TRDN: variants seen among roughly 807,000 people sequenced by gnomAD.
TRDN encodes the protein triadin, also known as triadin in skeletal muscle.
In TRDN, 161 loss-of-function variants were observed where a neutral mutation model predicts 149.7. That is an observed-to-expected ratio of 1.08 (90% CI 0.95 to 1.23). TRDN has a LOEUF of 1.23. TRDN is among the 50% of genes most tolerant of loss of function. The probability of loss-of-function intolerance (pLI) is 0.00; values close to 1 mark genes in which losing one functional copy is unlikely to be tolerated. For synonymous variants in TRDN, 294 were observed against 250.5 expected (o/e 1.17, Z -1.64); for missense variants, 896 against 823.5 (o/e 1.09, Z -1.08).
chr6:123,419,018 G>A (rs1212358000), intron 12 of TRDN, among the ~76,000 whole-genome samples: 1 of 152,018 alleles, frequency 6.6e-6, no homozygotes, highest in Non-Finnish European at 1.5e-5. Context: ...GTTTCAAGAT[G>A]AGCAGGTCTA....
intron 38 of TRDN, among the ~76,000 whole-genome samples, chr6:123,226,459 T>C (rs1250053561): frequency 6.6e-6 from 1 of 151,858 alleles, no homozygotes; most frequent in Admixed American, 6.6e-5. Flanking sequence ...GATCCATTTA[T>C]TACCACTAGA....
Position 123,585,461 on chromosome 6 carries a change from T to A in TRDN, c.23-14329A>T, listed in dbSNP as rs140178993. The stretch of plus-strand genomic sequence containing the variant: ...TGAGTAGCCTTGGTATTGATTAAGA[T>A]GGGGACAGACTTATCCTTCACTGTT... On this transcript the variant is annotated intron_variant, in intron 1 of 40. Transcript: ENST00000334268. 1.5e-3 allele frequency among the ~76,000 whole-genome samples: 230 copies of A among 152,094 alleles called. 3 individuals carry two copies. Among genetic ancestry groups the A allele is most frequent in the East Asian group, 0.015 (76 of 5,128 alleles).
chr6:123,567,243 T>C (rs1782339234), intron 2 of TRDN, among the ~76,000 whole-genome samples: 1 of 152,226 alleles, frequency 6.6e-6, no homozygotes, highest in South Asian at 2.1e-4. Flanking sequence ...CAATAAACTA[T>C]GTATTGCCTA....
intron 9 of TRDN, among the ~76,000 whole-genome samples, chr6:123,484,049 A>G (rs1777880986): frequency 6.6e-6 from 1 of 152,192 alleles, no homozygotes; most frequent in African/African-American, 2.4e-5. Flanking sequence ...CAGTACAATC[A>G]GTATAATCAT....
chr6:123,316,492 G>T lies in TRDN; in HGVS notation c.1475C>A (p.Pro492His). 2 of 1,609,946 alleles carry T rather than the reference G, an allele frequency of 1.2e-6. No individual in the cohort carries two copies. The highest frequency in any genetic ancestry group is 1.7e-6 in the Non-Finnish European group (2 of 1,177,500). ...KVPASLKEKE[P>H]ETKKDEKMSK... ...CATCTTTTCATCTTTTTTAGTTTCAGGTTCTGGGGCAAAACGTACACATAA... is the reference window on the plus strand; with the variant it reads ...CATCTTTTCATCTTTTTTAGTTTCATGTTCTGGGGCAAAACGTACACATAA... Residue 492 changes from proline to histidine, a missense_variant, in exon 24 of 41, where the codon CCT becomes CAT. Coordinates refer to ENST00000334268, the MANE Select transcript of TRDN (RefSeq NM_006073.4).
In TRDN at chr6:123,603,486, A is replaced by G. The variant is rs533724332; in HGVS notation, c.23-32354T>C. ...TGTTTTGTTTTTATACCATAGCTAA[A>G]TATTATAAAATGGGATCAATTTATT... On this transcript the variant is annotated intron_variant, in intron 1 of 40. Coordinates refer to ENST00000334268, the MANE Select transcript of TRDN (RefSeq NM_006073.4). Among the ~76,000 whole-genome samples the G allele has an allele frequency of 8.5e-5, 13 of 152,204 alleles. No homozygotes were observed. The South Asian group carries it at 2.7e-3, about 32-fold the overall frequency.
intron 19 of TRDN, among the ~76,000 whole-genome samples, chr6:123,369,309 G>A (rs1162645400): frequency 6.6e-6 from 1 of 152,222 alleles, no homozygotes; most frequent in East Asian, 1.9e-4. Flanking sequence ...CTTAACTTGA[G>A]TATATCTATG....
At chr6:123,543,774 A>G (rs1780971820) in intron 4 of TRDN, among the ~76,000 whole-genome samples, 1 of 152,094 alleles carries the variant, frequency 6.6e-6, no homozygotes, top group Non-Finnish European at 1.5e-5. Context: ...AAACACTATA[A>G]TATTTTTAGA....
At chr6:123,490,507 T>C (rs928664805) in intron 9 of TRDN, among the ~76,000 whole-genome samples, 1 of 152,190 alleles carries the variant, frequency 6.6e-6, no homozygotes. Context: ...TGGTTGACTG[T>C]GGGTTACTGA....
intron 19 of TRDN, among the ~76,000 whole-genome samples, chr6:123,373,123 G>A (rs1267138583): frequency 1.3e-5 from 2 of 152,138 alleles, no homozygotes; most frequent in Non-Finnish European, 2.9e-5. Flanking sequence ...GAGACTCTAT[G>A]ATATGGTTTG....
At chr6:123,573,845 G>C (rs1782695678) in intron 1 of TRDN, among the ~76,000 whole-genome samples, 1 of 151,948 alleles carries the variant, frequency 6.6e-6, no homozygotes, top group Admixed American at 6.6e-5. Flanking sequence ...ATGTACACAG[G>C]ATGCTTGTAG....
At chr6:123,346,260 G>T (rs1780241632) in intron 21 of TRDN, among the ~76,000 whole-genome samples, 1 of 151,882 alleles carries the variant, frequency 6.6e-6, no homozygotes, top group Non-Finnish European at 1.5e-5. Flanking sequence ...TTTCTCAAAT[G>T]CTTTTACCAT....
chr6:123,591,150 T>C (rs952521386), intron 1 of TRDN, among the ~76,000 whole-genome samples: 1 of 152,218 alleles, frequency 6.6e-6, no homozygotes, highest in Non-Finnish European at 1.5e-5. Flanking sequence ...CTCTCTCATA[T>C]AGTAAAATAT....
chr6:123,363,517 T>C (rs907031847), intron 20 of TRDN, among the ~76,000 whole-genome samples: 1 of 152,216 alleles, frequency 6.6e-6, no homozygotes, highest in Non-Finnish European at 1.5e-5. Context: ...TGTAGAATTA[T>C]ATTTAAATTG....
intron 12 of TRDN, among the ~76,000 whole-genome samples, chr6:123,419,475 A>C (rs1773803935): frequency 6.6e-6 from 1 of 152,156 alleles, no homozygotes; most frequent in African/African-American, 2.4e-5. Context: ...CTGGGTTCAA[A>C]TGATGCCCCT....
intron 39 of TRDN, among the ~76,000 whole-genome samples, chr6:123,223,884 C>T (rs1775255964): frequency 6.6e-6 from 1 of 151,388 alleles, no homozygotes; most frequent in Non-Finnish European, 1.5e-5. Flanking sequence ...AATCAATACC[C>T]AACTAGTGTT....
chr6:123,534,503 T>A (rs1347051516), intron 4 of TRDN, among the ~76,000 whole-genome samples: 1 of 152,100 alleles, frequency 6.6e-6, no homozygotes, highest in African/African-American at 2.4e-5. Context: ...AGCCAGGAAA[T>A]GATGCTATTC....
intron 1 of TRDN, among the ~76,000 whole-genome samples, chr6:123,623,080 C>T (rs569188121): frequency 6.6e-6 from 1 of 152,220 alleles, no homozygotes; most frequent in South Asian, 2.1e-4. Context: ...GAAAATAAGT[C>T]ATCACCTTTC....
At chr6:123,231,025 A>G (rs1423651330) in intron 38 of TRDN, among the ~76,000 whole-genome samples, 1 of 151,986 alleles carries the variant, frequency 6.6e-6, no homozygotes, top group African/African-American at 2.4e-5. Context: ...TTGAGCCCCA[A>G]AGTATTTGAA....
Sources: gnomAD v4.1 joint callset for allele counts (sites outside exome capture counted in the v4.1 genomes callset) on GRCh38, gnomAD v4.1.1 for gene constraint, MANE v1.5 for transcripts, NCBI Gene and HGNC (gene_info 2026-07-23, HGNC 2026-07-21) for gene names.